The following DLG2 variants were observed in gnomAD, a reference collection of about 807,000 sequenced individuals.
DLG2 encodes the protein discs large MAGUK scaffold protein 2.
In DLG2, 45 loss-of-function variants were observed where a neutral mutation model predicts 132.5. That is an observed-to-expected ratio of 0.34 (90% CI 0.27 to 0.44). The LOEUF (loss-of-function observed/expected upper bound fraction) is 0.44, where lower values mean the gene tolerates loss of function less well. DLG2 is among the 20% of genes least tolerant of loss of function. The pLI is 1.00. For missense variants in DLG2, 1,045 were observed against 1,196.9 expected (o/e 0.87, Z 1.87); for synonymous variants, 424 against 419.6 (o/e 1.01, Z -0.13).
intron 14 of DLG2, among the ~76,000 whole-genome samples, chr11:83,937,075 A>T (rs887704179): frequency 2.0e-5 from 3 of 152,176 alleles, no homozygotes; most frequent in South Asian, 2.1e-4. Context: ...TTTTTAAAAA[A>T]TTTTTAATTG....
intron 6 of DLG2, among the ~76,000 whole-genome samples, chr11:84,908,409 A>G (rs2091751647): frequency 6.6e-6 from 1 of 152,178 alleles, no homozygotes; most frequent in South Asian, 2.1e-4. Context: ...CTCAACAGCC[A>G]CATGTGTCCA....
rs182860937 is a variant in DLG2, at chr11:84,668,727, C to T, written c.358-133996G>A. Among the ~76,000 whole-genome samples the T allele has an allele frequency of 1.4e-3, 212 of 152,242 alleles. 1 individual carries two copies. Among genetic ancestry groups the T allele is most frequent in the African/African-American group, 4.9e-3 (205 of 41,556 alleles). On this transcript the variant is annotated intron_variant, in intron 6 of 27. Transcript: ENST00000376104. Reference sequence around the variant, plus strand: ...GACTCTGAGTCAAGTCACCATTTCCCCTTAGTAATAATTTTTATCCTCTTC... The same window carrying T: ...GACTCTGAGTCAAGTCACCATTTCCTCTTAGTAATAATTTTTATCCTCTTC...
At chr11:84,482,568 G>C (rs932684257) in intron 7 of DLG2, among the ~76,000 whole-genome samples, 2 of 152,204 alleles carry the variant, frequency 1.3e-5, no homozygotes, top group Non-Finnish European at 2.9e-5. Flanking sequence ...GAACTGTTGA[G>C]AGGTTACACA....
chr11:84,319,244 G>A (rs2098388935), intron 7 of DLG2, among the ~76,000 whole-genome samples: 1 of 151,378 alleles, frequency 6.6e-6, no homozygotes, highest in Non-Finnish European at 1.5e-5. Flanking sequence ...TAGATCAATA[G>A]ATTATACCTG....
chr11:83,551,945 T>C (rs919849447), intron 19 of DLG2, among the ~76,000 whole-genome samples: 2 of 152,194 alleles, frequency 1.3e-5, no homozygotes, highest in Non-Finnish European at 2.9e-5. Flanking sequence ...GTTGGGAATA[T>C]GGGTAAGAAG....
At chr11:84,634,215 T>A (rs2099636854) in intron 6 of DLG2, among the ~76,000 whole-genome samples, 1 of 152,200 alleles carries the variant, frequency 6.6e-6, no homozygotes, top group South Asian at 2.1e-4. Flanking sequence ...TGATTCTCAG[T>A]CTTTTCCTCT....
intron 7 of DLG2, among the ~76,000 whole-genome samples, chr11:84,347,975 A>C (rs1349254383): frequency 6.6e-6 from 1 of 152,322 alleles, no homozygotes; most frequent in South Asian, 2.1e-4. Context: ...TATATCTCTA[A>C]GATGAGGTAT....
chr11:85,012,337 T>C (rs61909113), intron 6 of DLG2, among the ~76,000 whole-genome samples: 1,388 of 24,942 alleles, frequency 0.056, 526 homozygotes, highest in African/African-American at 0.15. Context: ...CCATCCTGGC[T>C]AACACGGTGA....
At chr11:85,147,877 A>G (rs2076967388) in intron 5 of DLG2, among the ~76,000 whole-genome samples, 1 of 152,070 alleles carries the variant, frequency 6.6e-6, no homozygotes. Flanking sequence ...TGCATTAGCT[A>G]TTTGTCCTAA....
intron 21 of DLG2, among the ~76,000 whole-genome samples, chr11:83,513,542 A>T (rs2095151308): frequency 2.0e-5 from 3 of 152,198 alleles, no homozygotes; most frequent in South Asian, 2.1e-4. Flanking sequence ...ATTAGATCCC[A>T]TTTGTCAATT....
intron 7 of DLG2, among the ~76,000 whole-genome samples, chr11:84,495,397 C>T (rs2099179201): frequency 6.6e-6 from 1 of 152,110 alleles, no homozygotes. Context: ...CAAGTATAAA[C>T]CATCATTTCC....
intron 17 of DLG2, among the ~76,000 whole-genome samples, chr11:83,804,990 A>G (rs1306359113): frequency 6.6e-6 from 1 of 152,026 alleles, no homozygotes; most frequent in Non-Finnish European, 1.5e-5. Flanking sequence ...AGTGTTCTGC[A>G]TTTTGAATTT....
At chr11:84,664,631 C>T (rs2099698039) in intron 6 of DLG2, among the ~76,000 whole-genome samples, 1 of 152,040 alleles carries the variant, frequency 6.6e-6, no homozygotes, top group Non-Finnish European at 1.5e-5. Flanking sequence ...AGCAGAAAAC[C>T]AAGCAGGACA....
intron 19 of DLG2, among the ~76,000 whole-genome samples, chr11:83,558,218 A>G (rs1194043259): frequency 6.6e-6 from 1 of 151,964 alleles, no homozygotes; most frequent in Non-Finnish European, 1.5e-5. Flanking sequence ...ATTCCTCTCA[A>G]CTTTTGCTTT....
In DLG2 at chr11:84,718,650, G is replaced by A. The variant is rs76707890; in HGVS notation, c.358-183919C>T. 3.0e-4 allele frequency among the ~76,000 whole-genome samples: 45 copies of A among 152,242 alleles called. No homozygotes were observed. In the East Asian group the frequency reaches 7.3e-3, roughly 25 times the overall value. Reference sequence around the variant, plus strand: ...CCTTTGTTAAATATCATTTAGCACCGCTAAGTAATTCTTGTAAGTTCATGG... The same window carrying A: ...CCTTTGTTAAATATCATTTAGCACCACTAAGTAATTCTTGTAAGTTCATGG... On this transcript the variant is annotated intron_variant, in intron 6 of 27. Coordinates refer to ENST00000376104, the MANE Select transcript of DLG2 (RefSeq NM_001142699.3).
intron 5 of DLG2, among the ~76,000 whole-genome samples, chr11:85,142,246 T>C (rs1428327500): frequency 6.6e-5 from 10 of 151,852 alleles, no homozygotes; most frequent in Admixed American, 6.6e-4. Context: ...TAATGTTTTA[T>C]CGTTTTCATT....
At chr11:83,466,303 G>A (rs1047747218) in intron 26 of DLG2, among the ~76,000 whole-genome samples, 4 of 152,050 alleles carry the variant, frequency 2.6e-5, no homozygotes, top group African/African-American at 9.7e-5. Context: ...TCAGAAGTAT[G>A]AGACAATTAA....
chr11:84,274,628 A>C (rs1598866741), intron 7 of DLG2, among the ~76,000 whole-genome samples: 1 of 152,330 alleles, frequency 6.6e-6, no homozygotes, highest in South Asian at 2.1e-4. Flanking sequence ...AAAGGCTGAC[A>C]CCAGGGAAGT....
intron 6 of DLG2, among the ~76,000 whole-genome samples, chr11:84,561,894 A>G (rs908390668): frequency 6.6e-6 from 1 of 152,176 alleles, no homozygotes; most frequent in African/African-American, 2.4e-5. Context: ...ATGTCAAACG[A>G]AATTGCAACT....
Sources: allele counts gnomAD v4.1 joint callset (sites outside exome capture counted in the v4.1 genomes callset), GRCh38; gene constraint gnomAD v4.1.1; transcripts MANE v1.5; gene names NCBI Gene and HGNC (gene_info 2026-07-23, HGNC 2026-07-21).